The following SCUBE2 variants were observed in gnomAD, a reference collection of about 807,000 sequenced individuals.
The protein encoded by SCUBE2 is signal peptide, CUB domain and EGF like domain containing 2, also known as signal peptide, CUB and EGF-like domain-containing protein 2.
Under a neutral mutation model 125.9 loss-of-function variants are expected in SCUBE2, and 114 were observed. The observed-to-expected ratio is 0.91, with a 90% CI of 0.78 to 1.06. The LOEUF is 1.06. SCUBE2 is among the 50% of genes least tolerant of loss of function. The pLI is 0.00. For missense variants in SCUBE2, 1,255 were observed against 1,301.8 expected, an observed-to-expected ratio of 0.96 and a Z score of 0.55; for synonymous variants, 459 against 492.9, an observed-to-expected ratio of 0.93 and a Z score of 0.91.
At chr11:9,044,625 C>T (rs1365120833) in intron 16 of SCUBE2, among the ~76,000 whole-genome samples, 1 of 152,170 alleles carries the variant, frequency 6.6e-6, no homozygotes, top group East Asian at 1.9e-4. Flanking sequence ...ATGTCAGTTA[C>T]TCCTATGCTC....
chr11:9,074,272 C>A (rs918781723), intron 4 of SCUBE2, among the ~76,000 whole-genome samples: 7 of 152,136 alleles, frequency 4.6e-5, no homozygotes, highest in African/African-American at 1.7e-4. Context: ...CAGAGCTCAC[C>A]CAGTCCAGTG....
At chr11:9,043,022 G>A (rs572951134) in intron 16 of SCUBE2, among the ~76,000 whole-genome samples, 1 of 152,088 alleles carries the variant, frequency 6.6e-6, no homozygotes. Context: ...GACACTTCCC[G>A]AGTAAATCCT....
At position 9,067,957 on chromosome 11, in the gene SCUBE2, G is replaced by A. The variant is rs556509722; in HGVS notation, c.644-1144C>T. On this transcript the variant is annotated intron_variant, in intron 5 of 22. Coordinates refer to ENST00000649792, the MANE Select transcript of SCUBE2 (RefSeq NM_001367977.2). ...CTTGGAGGGTCTGGGTCTTCCTTCC[G>A]AAGATCTGGAGGTGGGAAAATGGTC... is the stretch of plus-strand genomic sequence containing the variant. Among the ~76,000 whole-genome samples the A allele has an allele frequency of 9.4e-4, 137 of 146,466 alleles. 1 individual carries two copies. In the Middle Eastern group the frequency reaches 0.021, roughly 22 times the overall value.
chr11:9,041,889 G>A (rs1857284550), intron 16 of SCUBE2, among the ~76,000 whole-genome samples: 1 of 152,130 alleles, frequency 6.6e-6, no homozygotes, highest in Non-Finnish European at 1.5e-5. Context: ...GAGATGGGAG[G>A]GGTTGATGGG....
rs771186135 is a variant in SCUBE2 at position 9,059,404 on chromosome 11, C to A, written c.989G>T (p.Arg330Leu). ...GCAGAAATGATCACAACCTCCATTG[C>A]GGGTCTGGCACTCATCAATATCTGC... ...TCKDIDECQT[R>L]NGGCDHFCKN... Residue 330 changes from arginine to leucine, a missense_variant, in exon 9 of 23, where the codon CGC (arginine) becomes CTC (leucine). By Grantham distance (102) the Arg-to-Leu change is moderately radical. Coordinates refer to ENST00000649792, the MANE Select transcript of SCUBE2 (RefSeq NM_001367977.2). 44 of 1,614,006 alleles carry A rather than the reference C, an allele frequency of 2.7e-5. No homozygotes were observed. The highest frequency in any genetic ancestry group is 3.6e-5 in the Non-Finnish European group (43 of 1,179,990).
intron 16 of SCUBE2, among the ~76,000 whole-genome samples, chr11:9,035,317 G>C (rs555605688): frequency 2.6e-5 from 4 of 152,254 alleles, no homozygotes; most frequent in African/African-American, 4.8e-5. Flanking sequence ...CAGAAACAGA[G>C]ACTTAGAGAG....
At position 9,091,298 on chromosome 11, in the gene SCUBE2, G is replaced by A. The variant is rs947588456; in HGVS notation, c.133+98C>T. The stretch of plus-strand genomic sequence containing the variant: ...CCGCGGAGCTGCAGCCGCCAGCCCC[G>A]AGCCCCGCGCGCCCGGCTCTGGACT... On this transcript the variant is annotated intron_variant, in intron 1 of 22. Coordinates refer to ENST00000649792, the MANE Select transcript of SCUBE2 (RefSeq NM_001367977.2). This position sits in a 1 kb window ranked among gnomAD's most constrained non-coding sequence, Gnocchi z 8.5. 1.6e-5 allele frequency: 14 copies of A among 886,834 alleles called. No homozygotes were observed. Among genetic ancestry groups the A allele is most frequent in the Non-Finnish European group, 2.0e-5 (14 of 683,956 alleles). The allele number at this position is 886,834 out of a possible 1,614,324, so 54.9% of individuals were successfully genotyped here.
At chr11:9,051,768 G>A (rs1295790973) in intron 13 of SCUBE2, among the ~76,000 whole-genome samples, 2 of 152,190 alleles carry the variant, frequency 1.3e-5, no homozygotes, top group African/African-American at 4.8e-5. Flanking sequence ...AAAGGAAAAT[G>A]TTTAGCTCCT....
Position 9,070,307 on chromosome 11 carries a change from C to T in SCUBE2, c.518-812G>A, listed in dbSNP as rs140822580. On this transcript the variant is annotated intron_variant, in intron 4 of 22. Transcript: ENST00000649792. ...CAGCTGCTTCTGTTCTTGCAGGGCT[C>T]GGCACACATCTAAATGAGGGGGCAC... Among the ~76,000 whole-genome samples the T allele has an allele frequency of 6.6e-5, 10 of 152,196 alleles. No homozygotes were observed. The East Asian group carries it at 9.7e-4, about 15-fold the overall frequency.
chr11:9,050,714 CAGAA>C lies in SCUBE2; in HGVS notation c.1535-8_1535-5del. The C allele has an allele frequency of 6.2e-7, 1 of 1,607,128 alleles. No individual in the cohort carries two copies. Among genetic ancestry groups the C allele is most frequent in the Non-Finnish European group, 8.5e-7 (1 of 1,173,518 alleles). ...CTTGTCCTGATGGTGGTGACATCTT[CAGAA>C]AGAAACAAGTGAGAGATGTTACCTT... On this transcript the variant is annotated splice_polypyrimidine_tract_variant and splice_region_variant and intron_variant, in intron 13 of 22. Coordinates refer to ENST00000649792, the MANE Select transcript of SCUBE2 (RefSeq NM_001367977.2).
intron 2 of SCUBE2, among the ~76,000 whole-genome samples, chr11:9,084,531 A>AG: frequency 6.7e-6 from 1 of 149,482 alleles, no homozygotes; most frequent in African/African-American, 2.5e-5. Flanking sequence ...GCAAAGGGGA[A>AG]AAAAAAATAT....
In SCUBE2 at chr11:9,027,575, T is replaced by G. The variant is rs573045314; in HGVS notation, c.2504-14A>C. On this transcript the variant is annotated splice_polypyrimidine_tract_variant and intron_variant, in intron 19 of 22. Transcript: ENST00000649792. Reference sequence around the variant, plus strand: ...CACATCTTCTGTCTGAAAAAGGAGATGCCCCGAGTTATGGCACGACACTGT... The same window carrying G: ...CACATCTTCTGTCTGAAAAAGGAGAGGCCCCGAGTTATGGCACGACACTGT... The G allele has an allele frequency of 2.2e-5, 36 of 1,607,928 alleles. No individual in the cohort carries two copies. In the South Asian group the frequency reaches 4.0e-4, roughly 18 times the overall value.
chr11:9,077,448 G>C (rs1360998794), intron 3 of SCUBE2, among the ~76,000 whole-genome samples: 3 of 152,228 alleles, frequency 2.0e-5, no homozygotes, highest in African/African-American at 4.8e-5. Context: ...TCAGGATCTT[G>C]AAGTGCTCTG....
chr11:9,081,847 C>T (rs1324956263), intron 2 of SCUBE2, among the ~76,000 whole-genome samples: 3 of 152,202 alleles, frequency 2.0e-5, no homozygotes, highest in Non-Finnish European at 4.4e-5. Flanking sequence ...GGTATACACC[C>T]AGAAGTGGAA....
Position 9,021,055 on chromosome 11 carries a change from G to A in SCUBE2, c.3077C>T (p.Pro1026Leu), listed in dbSNP as rs1243221882. 6.2e-7 allele frequency: 1 copy of A among 1,612,950 alleles called. No homozygotes were observed. Among genetic ancestry groups the A allele is most frequent in the South Asian group, 1.1e-5 (1 of 90,766 alleles). The change falls in exon 23 of 23, where the codon CCT becomes CTT. Residue 1026 changes from proline to leucine, a missense_variant. Around this residue, in one of 3 missense-constraint regions of SCUBE2, gnomAD observed 515 missense variants for 515.7 expected, o/e 1.00. Transcript: ENST00000649792. ...GGCACGTGGGCTGAGTCATTTGTAAGGTCTCAAAAACCTGGACACTTTGGA... is the reference window on the plus strand; with the variant it reads ...GGCACGTGGGCTGAGTCATTTGTAAAGTCTCAAAAACCTGGACACTTTGGA... Reference protein sequence around the residue: ...LRSKVSRFLRPYK With the variant: ...LRSKVSRFLRLYK
At chr11:9,023,887 A>G (rs1311228636) in intron 21 of SCUBE2, among the ~76,000 whole-genome samples, 1 of 152,074 alleles carries the variant, frequency 6.6e-6, no homozygotes, top group East Asian at 1.9e-4. Context: ...TACAGTTCTC[A>G]CCGTTGTCCA....
chr11:9,032,313 G>A (rs112490675), intron 17 of SCUBE2, among the ~76,000 whole-genome samples: 18 of 151,880 alleles, frequency 1.2e-4, no homozygotes, highest in African/African-American at 4.1e-4. Context: ...TTCTACAAAC[G>A]AGGTCTCACT....
intron 6 of SCUBE2, among the ~76,000 whole-genome samples, chr11:9,066,340 G>A (rs368160190): frequency 3.9e-5 from 6 of 152,278 alleles, no homozygotes; most frequent in South Asian, 2.1e-4. Context: ...CAGGCATCCC[G>A]CCAGAAATAT....
chr11:9,048,150 C>T (rs1334006925), intron 14 of SCUBE2, 52 bp from the exon 15 acceptor site: 1 of 1,558,478 alleles, frequency 6.4e-7, no homozygotes, highest in South Asian at 1.2e-5. Context: ...AAGCACTCAG[C>T]TGAACATTTG....
Sources: gnomAD v4.1 joint callset for allele counts (sites outside exome capture counted in the v4.1 genomes callset) on GRCh38, gnomAD v4.1.1 for gene constraint, gnomAD v4.1.1 regional missense constraint, Gnocchi (gnomAD v3.1) non-coding constraint, MANE v1.5 for transcripts, NCBI Gene and HGNC (gene_info 2026-07-23, HGNC 2026-07-21) for gene names.